PCDHGA3: variants seen among roughly 807,000 people sequenced by gnomAD.
PCDHGA3 encodes the protein protocadherin gamma subfamily A, 3.
A neutral mutation model predicts 58.5 loss-of-function variants in PCDHGA3; 40 were observed. That is an observed-to-expected ratio of 0.68 (90% CI 0.53 to 0.89). PCDHGA3 has a LOEUF of 0.89. Ranked by LOEUF, PCDHGA3 falls within the 40% of genes least tolerant of loss-of-function variation. The pLI, the probability that PCDHGA3 is intolerant of heterozygous loss-of-function variation, is 0.00. For missense variants in PCDHGA3, 1,223 were observed against 1,195.9 expected (o/e 1.02, Z -0.33); for synonymous variants, 530 against 525.7 (o/e 1.01, Z -0.11).
chr5:141,506,162 C>T (rs1448735916), intron 3 of PCDHGA3, among the ~76,000 whole-genome samples: 1 of 152,124 alleles, frequency 6.6e-6, no homozygotes, highest in Non-Finnish European at 1.5e-5. Flanking sequence ...CTTAAGAGCA[C>T]AGCCTAAGCT....
intron 1 of PCDHGA3, chr5:141,410,258 G>A: frequency 6.2e-7 from 1 of 1,614,022 alleles, no homozygotes; most frequent in East Asian, 2.2e-5. Context: ...TGACCCCCAG[G>A]CTGAACTGCA....
At chr5:141,374,753 A>C in intron 1 of PCDHGA3, 1 of 1,612,912 alleles carries the variant, frequency 6.2e-7, no homozygotes, top group Admixed American at 1.7e-5. Context: ...TGTCCGCTCA[A>C]GCGTCGCCCA....
intron 1 of PCDHGA3, chr5:141,361,939 G>A: frequency 1.2e-6 from 2 of 1,605,654 alleles, no homozygotes; most frequent in African/African-American, 2.7e-5. Flanking sequence ...AGGACACAAC[G>A]CTTGGCTGTC....
chr5:141,383,924 A>T (rs1215078494), intron 1 of PCDHGA3: 1 of 1,613,832 alleles, frequency 6.2e-7, no homozygotes, highest in Non-Finnish European at 8.5e-7. Context: ...GATGTAAATG[A>T]TAATGCTCCA....
chr5:141,352,993 C>G (rs913213055), intron 1 of PCDHGA3, among the ~76,000 whole-genome samples: 6 of 152,214 alleles, frequency 3.9e-5, no homozygotes, highest in African/African-American at 1.4e-4. Flanking sequence ...TCTAAAAAAA[C>G]AAACAAACAA....
rs779686795 is a variant in PCDHGA3 at position 141,476,566 on chromosome 5, G to C, written c.2425-18241G>C. The stretch of plus-strand genomic sequence containing the variant: ...TGGAGATTAGCGAGGCCGTGGCTCC[G>C]GGGACGCGCTTTCCGCTCGAGAGCG... On this transcript the variant is annotated intron_variant, in intron 1 of 3. Transcript: ENST00000253812. This position sits in a 1 kb window ranked among gnomAD's most constrained non-coding sequence, Gnocchi z 7.6. 1.2e-6 allele frequency: 2 copies of C among 1,614,180 alleles called. No homozygotes were observed. The highest frequency in any genetic ancestry group is 1.7e-5 in the Admixed American group (1 of 60,030).
chr5:141,347,691 G>A (rs1191715718), intron 1 of PCDHGA3, among the ~76,000 whole-genome samples: 2 of 151,800 alleles, frequency 1.3e-5, no homozygotes, highest in African/African-American at 4.8e-5. Context: ...GGAAGCTGAG[G>A]CAGAAGAATT....
At chr5:141,427,304 C>G in intron 1 of PCDHGA3, 1 of 456,910 alleles carries the variant, frequency 2.2e-6, no homozygotes. Flanking sequence ...ATGAGAATGA[C>G]AATGCCCCAG....
chr5:141,466,799 C>T (rs1049340129), intron 1 of PCDHGA3, among the ~76,000 whole-genome samples: 1 of 152,056 alleles, frequency 6.6e-6, no homozygotes, highest in African/African-American at 2.4e-5. Flanking sequence ...CAAACTAGAT[C>T]CTATTCAGAC....
intron 1 of PCDHGA3, chr5:141,375,797 T>A: frequency 6.2e-7 from 1 of 1,614,192 alleles, no homozygotes; most frequent in Non-Finnish European, 8.5e-7. Flanking sequence ...CACAGACGGT[T>A]CCACTGGCGT....
chr5:141,355,152 C>A, intron 1 of PCDHGA3: 2 of 1,548,790 alleles, frequency 1.3e-6, no homozygotes, highest in Non-Finnish European at 1.7e-6. Flanking sequence ...CTCCTCAGGC[C>A]TCGACAGAGG....
At position 141,437,305 on chromosome 5, in the gene PCDHGA3, G is replaced by A. The variant is rs369317069; in HGVS notation, c.2425-57502G>A. On this transcript the variant is annotated intron_variant, in intron 1 of 3. Transcript: ENST00000253812. ...TATCCATTTCATCTAACAAGTTAAA[G>A]CGTTCAGCTATAATTTAAAATTTGT... 1.8e-4 allele frequency among the ~76,000 whole-genome samples: 28 copies of A among 152,266 alleles called. No homozygotes were observed. In the South Asian group the frequency reaches 4.8e-3, roughly 26 times the overall value.
intron 1 of PCDHGA3, among the ~76,000 whole-genome samples, chr5:141,401,929 G>C (rs2094209014): frequency 6.6e-6 from 1 of 152,122 alleles, no homozygotes; most frequent in Non-Finnish European, 1.5e-5. Context: ...GTGATGCTTA[G>C]AATAATGTTT....
intron 1 of PCDHGA3, chr5:141,364,657 G>C: frequency 6.2e-7 from 1 of 1,614,034 alleles, no homozygotes; most frequent in South Asian, 1.1e-5. Context: ...TTAACATCTT[G>C]GTTGAGAACA....
chr5:141,431,767 T>C lies in PCDHGA3; in HGVS notation c.2425-63040T>C. The C allele has an allele frequency of 1.2e-6, 2 of 1,614,224 alleles. No homozygotes were observed. Among genetic ancestry groups the C allele is most frequent in the Non-Finnish European group, 1.7e-6 (2 of 1,180,034 alleles). ...CTGCGCGAGCCAAAGTCCTGATCAC[T>C]GTTCTGGACGTGAACGACAATGCCC... On this transcript the variant is annotated intron_variant, in intron 1 of 3. Coordinates refer to ENST00000253812, the MANE Select transcript of PCDHGA3 (RefSeq NM_018916.4). This position sits in a 1 kb window ranked among gnomAD's most constrained non-coding sequence, Gnocchi z 4.8.
intron 1 of PCDHGA3, chr5:141,414,197 T>C: frequency 3.1e-6 from 5 of 1,611,210 alleles, no homozygotes; most frequent in Non-Finnish European, 4.2e-6. Flanking sequence ...TTGATTACAG[T>C]AGAAGATGTA....
rs143252334 is a variant in PCDHGA3 at position 141,431,395 on chromosome 5, T to A, written c.2425-63412T>A. On this transcript the variant is annotated intron_variant, in intron 1 of 3. Transcript: ENST00000253812. The surrounding 1 kb of genome is among the most constrained non-coding windows in gnomAD (Gnocchi z 4.8). ...AAAAGGCTGCTCACCACCTGGTCCT[T>A]ACGGCCTCCGACGGGGGCGACCCGG... 2 of 1,613,720 alleles carry A rather than the reference T, an allele frequency of 1.2e-6. No individual in the cohort carries two copies. Among genetic ancestry groups the A allele is most frequent in the African/African-American group, 2.7e-5 (2 of 74,950 alleles).
intron 1 of PCDHGA3, among the ~76,000 whole-genome samples, chr5:141,461,764 C>T (rs1005862192): frequency 6.6e-6 from 1 of 152,118 alleles, no homozygotes; most frequent in East Asian, 1.9e-4. Context: ...AGCGATTCTC[C>T]TGCCTCAGCC....
intron 3 of PCDHGA3, 56 bp from the exon 4 acceptor site, chr5:141,510,891 G>A (rs945706652): frequency 8.7e-6 from 14 of 1,612,762 alleles, no homozygotes; most frequent in Middle Eastern, 1.6e-4. Flanking sequence ...ATATAAGACA[G>A]TGACTGTTGA....
Sources: gnomAD v4.1 joint callset for allele counts (sites outside exome capture counted in the v4.1 genomes callset) on GRCh38, gnomAD v4.1.1 for gene constraint, Gnocchi (gnomAD v3.1) non-coding constraint, MANE v1.5 for transcripts, NCBI Gene and HGNC (gene_info 2026-07-23, HGNC 2026-07-21) for gene names.